The following ERCC6 variants were observed in gnomAD, a reference collection of about 807,000 sequenced individuals.
ERCC6 encodes the protein DNA excision repair protein ERCC-6.
Under a neutral mutation model 158.7 loss-of-function variants are expected in ERCC6, and 116 were observed. That is an observed-to-expected ratio of 0.73 (90% CI 0.63 to 0.85). The LOEUF is 0.85. Among genes scored for constraint, ERCC6 ranks in the 40% least tolerant of loss-of-function variants. The pLI, the probability that ERCC6 is intolerant of heterozygous loss-of-function variation, is 0.00. For missense variants in ERCC6, 1,698 were observed against 1,799.4 expected (o/e 0.94, Z 1.02); for synonymous variants, 678 against 659.3 (o/e 1.03, Z -0.43).
the ERCC6 span, among the ~76,000 whole-genome samples, chr10:49,443,121 A>G: frequency 2.0e-5 from 3 of 152,232 alleles, no homozygotes; most frequent in Non-Finnish European, 4.4e-5. Context: ...CAGTGATTTA[A>G]CAGAACAGAC....
At chr10:49,521,428 G>A (rs921260336) in intron 5 of ERCC6, among the ~76,000 whole-genome samples, 3 of 152,152 alleles carry the variant, frequency 2.0e-5, no homozygotes, top group Admixed American at 6.5e-5. Flanking sequence ...TTTGGCACCC[G>A]GAGCTCCCAG....
the ERCC6 span, among the ~76,000 whole-genome samples, chr10:49,442,380 G>C: frequency 6.6e-6 from 1 of 152,216 alleles, no homozygotes; most frequent in Non-Finnish European, 1.5e-5. Context: ...TCCCTGTGAA[G>C]AAGAAAAGGA....
chr10:49,479,766 G>A (rs541880462), intron 10 of ERCC6, among the ~76,000 whole-genome samples: 1 of 152,176 alleles, frequency 6.6e-6, no homozygotes, highest in African/African-American at 2.4e-5. Context: ...CTAGGCTGGG[G>A]AACGGCCGGG....
chr10:49,532,565 G>T lies in ERCC6; in HGVS notation c.400C>A (p.Arg134=), dbSNP rs148095899. 5.0e-6 allele frequency: 8 copies of T among 1,614,120 alleles called. No homozygotes were observed. Among genetic ancestry groups the T allele is most frequent in the African/African-American group, 1.3e-5 (1 of 75,044 alleles). The change falls in exon 2 of 21, where the codon CGG becomes AGG. Residue 134 remains arginine, a synonymous_variant. Coordinates refer to ENST00000355832, the MANE Select transcript of ERCC6 (RefSeq NM_000124.4). The part of the protein sequence containing the change: ...SQLVDVEKEY[R]SVLDDLTSCT... Reference sequence around the variant, plus strand: ...CACGTGAGGTCATCCAGGACCGACCGATACTCCTTCTCCACGTCAACGAGC... The same window carrying T: ...CACGTGAGGTCATCCAGGACCGACCTATACTCCTTCTCCACGTCAACGAGC...
intron 8 of ERCC6, among the ~76,000 whole-genome samples, chr10:49,483,842 T>G (rs892161687): frequency 6.6e-6 from 1 of 151,828 alleles, no homozygotes; most frequent in Non-Finnish European, 1.5e-5. Context: ...ACAATGTGGA[T>G]GGAAAATATA....
chr10:49,469,940 C>T (rs1482660252), intron 18 of ERCC6, among the ~76,000 whole-genome samples: 2 of 152,312 alleles, frequency 1.3e-5, no homozygotes, highest in South Asian at 4.1e-4. Flanking sequence ...GAATTGCACA[C>T]CTCCCATGAG....
intron 1 of ERCC6, among the ~76,000 whole-genome samples, chr10:49,538,748 C>T (rs1837664483): frequency 1.3e-5 from 2 of 152,346 alleles, no homozygotes; most frequent in Admixed American, 6.5e-5. Flanking sequence ...GGACTCAAGC[C>T]GCCTCAGGTG....
At chr10:49,447,652 C>T in the ERCC6 span, among the ~76,000 whole-genome samples, 2 of 151,570 alleles carry the variant, frequency 1.3e-5, no homozygotes, top group Admixed American at 1.3e-4. Context: ...TGCAGTGAGC[C>T]AAGATCGTGC....
At chr10:49,533,262 T>C (rs559511402) in intron 1 of ERCC6, among the ~76,000 whole-genome samples, 30 of 152,336 alleles carry the variant, frequency 2.0e-4, no homozygotes, top group African/African-American at 6.7e-4. Flanking sequence ...CCTGGGGTGA[T>C]GGCCATGGAA....
chr10:49,530,880 A>C (rs538863590), intron 2 of ERCC6, 40 bp from the exon 3 acceptor site: 1 of 1,607,082 alleles, frequency 6.2e-7, no homozygotes, highest in South Asian at 1.1e-5. Flanking sequence ...CACTCTGATA[A>C]CATTTTTATA....
At chr10:49,460,152 T>C (rs1446525923) in intron 20 of ERCC6, 8 of 597,652 alleles carry the variant, frequency 1.3e-5, no homozygotes, top group East Asian at 5.8e-5. Flanking sequence ...AAAACAGAAA[T>C]GCTGCTACGG....
chr10:49,474,207 G>A lies in ERCC6; in HGVS notation c.2418C>T (p.Cys806=), dbSNP rs375810438. ...FSGLIALRKI[C]NHPDLFSGGP... ...CTCCAGAAAAGAGATCAGGGTGGTTGCAAATTTTTCTTAGGGCTATAAGTC... is the reference window on the plus strand; with the variant it reads ...CTCCAGAAAAGAGATCAGGGTGGTTACAAATTTTTCTTAGGGCTATAAGTC... The change falls in exon 13 of 21, where the codon TGC becomes TGT. Residue 806 remains cysteine, a synonymous_variant. Coordinates refer to ENST00000355832, the MANE Select transcript of ERCC6 (RefSeq NM_000124.4). The A allele has an allele frequency of 2.0e-5, 33 of 1,613,980 alleles. No homozygotes were observed. The African/African-American group carries it at 4.4e-4, about 22-fold the overall frequency.
At chr10:49,473,352 C>T (rs1255116476) in intron 14 of ERCC6, 125 bp downstream of exon 14, 13 of 804,216 alleles carry the variant, frequency 1.6e-5, no homozygotes, top group Non-Finnish European at 2.5e-5. Flanking sequence ...ACAAGTCTCC[C>T]CTTAGGCCCC....
At chr10:49,521,038 C>A (rs1316954872) in intron 5 of ERCC6, among the ~76,000 whole-genome samples, 1 of 152,222 alleles carries the variant, frequency 6.6e-6, no homozygotes, top group Non-Finnish European at 1.5e-5. Flanking sequence ...AGTCTGAATT[C>A]ATTATTCCCT....
At chr10:49,534,026 C>G (rs1390952300) in intron 1 of ERCC6, among the ~76,000 whole-genome samples, 1 of 145,766 alleles carries the variant, frequency 6.9e-6, no homozygotes, top group East Asian at 2.1e-4. Flanking sequence ...CCCAGCCACT[C>G]GGGAGGCTGA....
downstream of ERCC6, among the ~76,000 whole-genome samples, chr10:49,451,140 C>A (rs189960410): frequency 5.8e-4 from 88 of 151,596 alleles, 1 homozygote; most frequent in East Asian, 0.012. Context: ...GATGTTGTAT[C>A]CTCCCATCTT....
chr10:49,526,211 C>T (rs546976395), intron 4 of ERCC6, among the ~76,000 whole-genome samples: 2 of 142,910 alleles, frequency 1.4e-5, no homozygotes, highest in Non-Finnish European at 3.0e-5. Flanking sequence ...CAAAGTGTTA[C>T]GTTCCAAAGT....
At chr10:49,493,296 A>G (rs1413453478) in intron 7 of ERCC6, 44 bp from the exon 8 acceptor site, 1 of 1,613,008 alleles carries the variant, frequency 6.2e-7, no homozygotes, top group Non-Finnish European at 8.5e-7. Context: ...GAAAGAGCAT[A>G]TACAGTCATC....
intron 2 of ERCC6, 113 bp downstream of exon 2, chr10:49,532,430 T>C: frequency 6.5e-7 from 1 of 1,528,882 alleles, no homozygotes; most frequent in Non-Finnish European, 8.8e-7. Flanking sequence ...GTCCTCCAAA[T>C]AAAAGGTTCT....
Sources: allele counts gnomAD v4.1 joint callset (sites outside exome capture counted in the v4.1 genomes callset), GRCh38; gene constraint gnomAD v4.1.1; transcripts MANE v1.5; gene names NCBI Gene and HGNC (gene_info 2026-07-23, HGNC 2026-07-21).